Variants in PTPN21 observed in about 807,000 individuals in gnomAD.
PTPN21 encodes tyrosine-protein phosphatase non-receptor type 21.
PTPN21 carries 77 observed loss-of-function variants against 131.8 expected under a neutral mutation model. The observed-to-expected ratio is 0.58, with a 90% CI of 0.49 to 0.71. The LOEUF is 0.71. Ranked by LOEUF, PTPN21 falls within the 30% of genes least tolerant of loss-of-function variation. PTPN21 has a pLI of 0.00. For missense variants in PTPN21, 1,552 were observed against 1,527.1 expected, an observed-to-expected ratio of 1.02 and a Z score of -0.27; for synonymous variants, 715 against 621.3, an observed-to-expected ratio of 1.15 and a Z score of -2.24.
At chr14:88,477,163 CTG>C (rs948927027) in intron 13 of PTPN21, among the ~76,000 whole-genome samples, 2 of 151,096 alleles carry the variant, frequency 1.3e-5, no homozygotes, top group African/African-American at 2.5e-5. Context: ...ACTCTTAAAT[CTG>C]TGTCCACTGA....
intron 2 of PTPN21, among the ~76,000 whole-genome samples, chr14:88,549,263 A>T (rs1473807871): frequency 2.6e-5 from 4 of 152,256 alleles, no homozygotes; most frequent in African/African-American, 9.6e-5. Context: ...TAAAAAAATT[A>T]AAATGAACAA....
At chr14:88,468,350 A>C in intron 18 of PTPN21, 85 bp from the exon 19 acceptor site, 1 of 1,361,684 alleles carries the variant, frequency 7.3e-7, no homozygotes, top group South Asian at 1.5e-5. Context: ...CCTGGCAGAA[A>C]CCTGGTTGGG....
intron 2 of PTPN21, among the ~76,000 whole-genome samples, chr14:88,540,076 T>A (rs910787049): frequency 4.6e-5 from 7 of 152,236 alleles, no homozygotes; most frequent in Non-Finnish European, 1.0e-4. Context: ...TTCTCAGCAG[T>A]GCAGCTCTGA....
At chr14:88,470,707 G>T (rs1262151645) in intron 15 of PTPN21, among the ~76,000 whole-genome samples, 1 of 152,236 alleles carries the variant, frequency 6.6e-6, no homozygotes, top group Non-Finnish European at 1.5e-5. Flanking sequence ...ACTCAGGGCT[G>T]CCAGCCCCCT....
Position 88,469,528 on chromosome 14 carries a change from C to T in PTPN21, c.3206G>A (p.Gly1069Asp), listed in dbSNP as rs1190656327. 3.1e-6 allele frequency: 5 copies of T among 1,614,114 alleles called. No individual in the cohort carries two copies. The South Asian group carries it at 4.4e-5, about 14-fold the overall frequency. The change falls in exon 17 of 19, where the codon GGC (glycine) becomes GAC (aspartate). Residue 1069 changes from glycine (G) to aspartate (D), a missense_variant. Physicochemically the swap from Gly to Asp is moderately conservative, Grantham distance 94. Around this residue, in one of 4 missense-constraint regions of PTPN21, gnomAD observed 316 missense variants for 378.5 expected, o/e 0.83. Transcript: ENST00000556564. The surrounding 1 kb of genome is among the most constrained non-coding windows in gnomAD (Gnocchi z 4.3). ...HLQYTDWPEH[G>D]CPEDLKGFLS... ...AAATCCCTTGAGGTCTTCTGGACAG[C>T]CATGTTCAGGCCAGTCTGTGTATTG... is the stretch of plus-strand genomic sequence containing the variant.
rs141723672 is a variant in PTPN21, at chr14:88,480,319, T to C, written c.1112A>G (p.Tyr371Cys). 8.7e-6 allele frequency: 14 copies of C among 1,613,920 alleles called. No homozygotes were observed. Among genetic ancestry groups the C allele is most frequent in the Non-Finnish European group, 1.2e-5 (14 of 1,179,934 alleles). Residue 371 changes from tyrosine (Y) to cysteine (C), a missense_variant, in exon 13 of 19, where the codon TAC becomes TGC. This residue lies in a region of PTPN21 where 1,016 missense variants were observed against 883.5 expected (regional missense o/e 1.15). Coordinates refer to ENST00000556564, the MANE Select transcript of PTPN21 (RefSeq NM_007039.4). ...NLFVPNQNGYYCHSQTSLDRA... is the reference protein window; with the variant it reads ...NLFVPNQNGYCCHSQTSLDRA... Reference sequence around the variant, plus strand: ...ATCCAAGCTTGTCTGAGAGTGACAGTAGTATCCGTTCTGGTTGGGCACAAA... The same window carrying C: ...ATCCAAGCTTGTCTGAGAGTGACAGCAGTATCCGTTCTGGTTGGGCACAAA...
At chr14:88,476,075 GAT>G (rs1406411300) in intron 13 of PTPN21, among the ~76,000 whole-genome samples, 7 of 152,200 alleles carry the variant, frequency 4.6e-5, no homozygotes, top group African/African-American at 7.2e-5. Context: ...CTGCCTTTAA[GAT>G]AACAATCAGG....
chr14:88,489,474 T>TA (rs1387451194), intron 10 of PTPN21, among the ~76,000 whole-genome samples: 4 of 151,382 alleles, frequency 2.6e-5, no homozygotes, highest in South Asian at 4.2e-4. Context: ...ACCCCATCTC[T>TA]AAAAAACTAA....
intron 2 of PTPN21, among the ~76,000 whole-genome samples, chr14:88,521,765 C>T (rs1013297013): frequency 9.9e-5 from 15 of 152,030 alleles, no homozygotes; most frequent in South Asian, 8.3e-4. Context: ...CCTTTGAATA[C>T]ATTAACTTCC....
intron 10 of PTPN21, among the ~76,000 whole-genome samples, chr14:88,487,290 T>C (rs1452906322): frequency 6.6e-6 from 1 of 152,180 alleles, no homozygotes; most frequent in Admixed American, 6.5e-5. Context: ...CACCTATTCC[T>C]GGTTCATGTA....
chr14:88,528,044 A>C (rs1433507221), intron 2 of PTPN21, among the ~76,000 whole-genome samples: 1 of 152,168 alleles, frequency 6.6e-6, no homozygotes, highest in Non-Finnish European at 1.5e-5. Context: ...TGTTTTGGTA[A>C]CTATAGGCTT....
chr14:88,521,833 T>C (rs1244111844), intron 2 of PTPN21, among the ~76,000 whole-genome samples: 1 of 152,154 alleles, frequency 6.6e-6, no homozygotes, highest in Non-Finnish European at 1.5e-5. Flanking sequence ...ATTATAAAAT[T>C]TCTGGTTTAT....
intron 10 of PTPN21, among the ~76,000 whole-genome samples, chr14:88,496,005 C>T (rs546814069): frequency 1.3e-5 from 2 of 152,192 alleles, no homozygotes; most frequent in Middle Eastern, 3.4e-3. Flanking sequence ...TTTATATGTG[C>T]AATATCACCG....
At chr14:88,470,571 T>C (rs2077445842) in intron 15 of PTPN21, among the ~76,000 whole-genome samples, 1 of 152,240 alleles carries the variant, frequency 6.6e-6, no homozygotes, top group African/African-American at 2.4e-5. Context: ...CAGTAATTAC[T>C]AGATTTGTGG....
In PTPN21 at chr14:88,477,531, C is replaced by T. The variant is rs1047041335; in HGVS notation, c.2511+1389G>A. 2.2e-3 allele frequency among the ~76,000 whole-genome samples: 317 copies of T among 146,676 alleles called. 4 individuals are homozygous for T. Among genetic ancestry groups the T allele is most frequent in the African/African-American group, 7.5e-3 (300 of 40,188 alleles). On this transcript the variant is annotated intron_variant, in intron 13 of 18. Transcript: ENST00000556564. The stretch of plus-strand genomic sequence containing the variant: ...AGTTTTTGTCTATGTACATTAATCT[C>T]TTTCATAAGTACTATAATAGTGTGC...
rs749932526 is a variant in PTPN21, at chr14:88,480,061, T to G, written c.1370A>C (p.Gln457Pro). ...CGCATGCACCAGGCCCCTGTTGAGC[T>G]GCTTCATCACAGTCTCATAGTCTGG... ...PTPDYETVMK[Q>P]LNRGLVHAER... Residue 457 changes from glutamine (Q) to proline (P), a missense_variant, in exon 13 of 19, where the codon CAG becomes CCG. Gln to Pro is a moderately conservative substitution (Grantham distance 76, BLOSUM62 -1). Coordinates refer to ENST00000556564, the MANE Select transcript of PTPN21 (RefSeq NM_007039.4). 2.5e-6 allele frequency: 4 copies of G among 1,614,126 alleles called. No individual in the cohort carries two copies. The highest frequency in any genetic ancestry group is 3.4e-6 in the Non-Finnish European group (4 of 1,180,040).
At chr14:88,538,135 C>A (rs1595413213) in intron 2 of PTPN21, among the ~76,000 whole-genome samples, 1 of 152,258 alleles carries the variant, frequency 6.6e-6, no homozygotes, top group East Asian at 1.9e-4. Context: ...GCTCTATGTG[C>A]TACCATATAA....
rs367679791 is a variant in PTPN21, at chr14:88,507,228, A to T, written c.448+695T>A. On this transcript the variant is annotated intron_variant, in intron 4 of 18. Transcript: ENST00000556564. ...GGCATATCTTTCTTCTTAAAATATG[A>T]CCTATTAGCAGACAAAGTCTTTGAA... Among the ~76,000 whole-genome samples, 8 of 152,144 alleles carry T rather than the reference A, an allele frequency of 5.3e-5. No individual in the cohort carries two copies. The East Asian group carries it at 1.5e-3, about 29-fold the overall frequency.
intron 10 of PTPN21, among the ~76,000 whole-genome samples, chr14:88,487,160 A>AT (rs113432422): frequency 0.37 from 56,499 of 151,270 alleles, 11,072 homozygotes; most frequent in African/African-American, 0.5. Context: ...TAAAGGCAAG[A>AT]TTTTTTTTTC....
Sources: gnomAD v4.1 joint callset for allele counts (sites outside exome capture counted in the v4.1 genomes callset) on GRCh38, gnomAD v4.1.1 for gene constraint, gnomAD v4.1.1 regional missense constraint, Gnocchi (gnomAD v3.1) non-coding constraint, MANE v1.5 for transcripts, NCBI Gene and HGNC (gene_info 2026-07-23, HGNC 2026-07-21) for gene names.